The following BMPR2 variants were observed in gnomAD, a reference collection of about 807,000 sequenced individuals.
BMPR2 encodes bone morphogenetic protein receptor type-2.
BMPR2 carries 29 observed loss-of-function variants against 100.8 expected under a neutral mutation model. That is an observed-to-expected ratio of 0.29 (90% confidence interval 0.21 to 0.39). BMPR2 has a LOEUF of 0.39. BMPR2 is among the 10% of genes least tolerant of loss of function. The pLI is 1.00. For synonymous variants in BMPR2, 382 were observed against 442.3 expected (o/e 0.86, Z 1.71); for missense variants, 1,011 against 1,274.5 (o/e 0.79, Z 3.15).
At chr2:202,458,856 A>G (rs1692173249) in intron 1 of BMPR2, among the ~76,000 whole-genome samples, 1 of 152,154 alleles carries the variant, frequency 6.6e-6, no homozygotes, top group Admixed American at 6.5e-5. Context: ...AAGTTTTTAT[A>G]GAGTTAGTTT....
In BMPR2 at chr2:202,394,978, C is replaced by T. The variant is rs542813569; in HGVS notation, c.76+17428C>T. Among the ~76,000 whole-genome samples the T allele has an allele frequency of 3.0e-4, 46 of 152,028 alleles. No individual in the cohort carries two copies. In the South Asian group the frequency reaches 4.8e-3, roughly 16 times the overall value. On this transcript the variant is annotated intron_variant, in intron 1 of 12. Coordinates refer to ENST00000374580, the MANE Select transcript of BMPR2 (RefSeq NM_001204.7). ...TCGGCTCACTGCAACCTCCGCCTCC[C>T]GGGCAAGCGGTTCTCCTGCCTCAAC...
chr2:202,441,808 C>T (rs573236410), intron 1 of BMPR2, among the ~76,000 whole-genome samples: 5 of 147,338 alleles, frequency 3.4e-5, no homozygotes, highest in South Asian at 2.1e-4. Context: ...CCGAGGTGGG[C>T]GATCACCTGA....
At chr2:202,451,982 G>A (rs937493111) in intron 1 of BMPR2, among the ~76,000 whole-genome samples, 2 of 151,970 alleles carry the variant, frequency 1.3e-5, no homozygotes, top group African/African-American at 4.8e-5. Flanking sequence ...TCAACCTCCC[G>A]ACCTTAGGTG....
chr2:202,457,848 G>C (rs960911007), intron 1 of BMPR2, among the ~76,000 whole-genome samples: 3 of 152,054 alleles, frequency 2.0e-5, no homozygotes, highest in African/African-American at 7.2e-5. Flanking sequence ...TCCTGCCTCA[G>C]CCTCCCAAGT....
intron 1 of BMPR2, among the ~76,000 whole-genome samples, chr2:202,455,757 C>A (rs1300926370): frequency 1.3e-5 from 2 of 151,880 alleles, no homozygotes; most frequent in African/African-American, 4.8e-5. Flanking sequence ...CTTTTGTGTA[C>A]TTTTTATCTT....
intron 3 of BMPR2, among the ~76,000 whole-genome samples, chr2:202,474,156 G>C (rs549414487): frequency 6.6e-6 from 1 of 151,020 alleles, no homozygotes; most frequent in Non-Finnish European, 1.5e-5. Context: ...TGCAAACTTA[G>C]CAAAGAAATA....
intron 1 of BMPR2, among the ~76,000 whole-genome samples, chr2:202,449,308 CAAATAAATAAA>C: frequency 7.0e-6 from 1 of 142,980 alleles, no homozygotes. Flanking sequence ...AACTCCATCT[CAAATAAATAAA>C]TAAATAAATA....
intron 1 of BMPR2, among the ~76,000 whole-genome samples, chr2:202,444,596 G>A (rs1691814353): frequency 6.6e-6 from 1 of 150,648 alleles, no homozygotes; most frequent in African/African-American, 2.5e-5. Flanking sequence ...GAAATGTTTT[G>A]TGGAGGTCAC....
At chr2:202,497,549 C>G (rs1225320280) in intron 3 of BMPR2, among the ~76,000 whole-genome samples, 1 of 152,182 alleles carries the variant, frequency 6.6e-6, no homozygotes, top group Non-Finnish European at 1.5e-5. Context: ...TCCTGTACTT[C>G]TGGACTGAGT....
chr2:202,484,672 C>G (rs1180461505), intron 3 of BMPR2, among the ~76,000 whole-genome samples: 7 of 142,838 alleles, frequency 4.9e-5, no homozygotes, highest in African/African-American at 1.8e-4. Flanking sequence ...GACTCTGTCT[C>G]AAAAAAGAAA....
Position 202,560,317 on chromosome 2 carries a change from A to G in BMPR2, c.*371A>G. On this transcript the variant is annotated 3_prime_UTR_variant, in exon 13 of 13. Coordinates refer to ENST00000374580, the MANE Select transcript of BMPR2 (RefSeq NM_001204.7). ...AGTTTCTTAAGGTCATTAAAACAGA[A>G]GCAAATTAAGACAGGTTTGACTGCA... The G allele has an allele frequency of 4.2e-6, 1 of 240,702 alleles. No individual in the cohort carries two copies. Among genetic ancestry groups the G allele is most frequent in the Non-Finnish European group, 8.2e-6 (1 of 121,384 alleles). 14.9% of individuals were successfully genotyped at this position (240,702 alleles called of 1,614,324 possible). A position where few individuals can be genotyped will look rare whatever the true frequency, so the allele number is the denominator to read the frequency against.
At chr2:202,559,593 C>T in intron 12 of BMPR2, 103 bp from the exon 13 acceptor site, 1 of 1,245,696 alleles carries the variant, frequency 8.0e-7, no homozygotes, top group Non-Finnish European at 1.1e-6. Flanking sequence ...TGTTCATTAG[C>T]ACCCTCCTGA....
intron 3 of BMPR2, among the ~76,000 whole-genome samples, chr2:202,474,183 C>T (rs541881178): frequency 1.3e-5 from 2 of 151,882 alleles, no homozygotes; most frequent in South Asian, 2.1e-4. Context: ...TCGCCGGGCA[C>T]GGTGGCTCAC....
intron 1 of BMPR2, among the ~76,000 whole-genome samples, chr2:202,441,555 A>G (rs1691744608): frequency 6.8e-6 from 1 of 146,214 alleles, no homozygotes; most frequent in Non-Finnish European, 1.5e-5. Flanking sequence ...AAAAAAAACA[A>G]CAAAAAACAA....
intron 9 of BMPR2, among the ~76,000 whole-genome samples, chr2:202,535,989 A>G (rs1051389802): frequency 2.5e-4 from 38 of 152,132 alleles, no homozygotes; most frequent in Admixed American, 7.2e-4. Context: ...CAGGAGAATC[A>G]GGCAGGGAGG....
intron 1 of BMPR2, among the ~76,000 whole-genome samples, chr2:202,427,828 A>G (rs1346272346): frequency 6.6e-6 from 1 of 151,998 alleles, no homozygotes; most frequent in East Asian, 1.9e-4. Context: ...AAACACAAAA[A>G]TTAGCCAGGC....
In BMPR2 at chr2:202,495,808, TAATG is replaced by T. The variant is rs1450922299; in HGVS notation, c.419-17906_419-17903del. Among the ~76,000 whole-genome samples, 3 of 152,256 alleles carry T rather than the reference TAATG, an allele frequency of 2.0e-5. No individual in the cohort carries two copies. Among genetic ancestry groups the T allele is most frequent in the Non-Finnish European group, 4.4e-5 (3 of 68,044 alleles). On this transcript the variant is annotated intron_variant, in intron 3 of 12. Transcript: ENST00000374580. The surrounding 1 kb of genome is among the most constrained non-coding windows in gnomAD (Gnocchi z 4.5). ...TAATAATCCATTTCAGATTTTGAATTAATGAATGTTTAATGTAAAAGTTTTGTTA... is the reference window on the plus strand; with the variant it reads ...TAATAATCCATTTCAGATTTTGAATTAATGTTTAATGTAAAAGTTTTGTTA...
chr2:202,408,939 C>T (rs1027495048), intron 1 of BMPR2, among the ~76,000 whole-genome samples: 1 of 152,158 alleles, frequency 6.6e-6, no homozygotes, highest in Non-Finnish European at 1.5e-5. Flanking sequence ...TCAGTTGATT[C>T]ATTAATATCA....
intron 5 of BMPR2, among the ~76,000 whole-genome samples, chr2:202,516,609 T>C (rs1334950006): frequency 1.3e-5 from 2 of 151,742 alleles, no homozygotes; most frequent in Admixed American, 6.6e-5. Flanking sequence ...GCCCAAGAGG[T>C]AGAGGTTGTG....
Sources: gnomAD v4.1 joint callset for allele counts (sites outside exome capture counted in the v4.1 genomes callset) on GRCh38, gnomAD v4.1.1 for gene constraint, Gnocchi (gnomAD v3.1) non-coding constraint, MANE v1.5 for transcripts, NCBI Gene and HGNC (gene_info 2026-07-23, HGNC 2026-07-21) for gene names.